Variants in SLC1A7 observed in about 807,000 individuals in gnomAD.
The protein encoded by SLC1A7 is excitatory amino acid transporter 5.
Under a neutral mutation model 47.7 loss-of-function variants are expected in SLC1A7, and 40 were observed. That is an observed-to-expected ratio of 0.84 (90% CI 0.65 to 1.09). The LOEUF (loss-of-function observed/expected upper bound fraction) is 1.09, where lower values mean the gene tolerates loss of function less well. Among genes scored for constraint, SLC1A7 ranks in the 50% least tolerant of loss-of-function variants. The probability of loss-of-function intolerance (pLI) is 0.00; values close to 1 mark genes in which losing one functional copy is unlikely to be tolerated. For synonymous variants in SLC1A7, 323 were observed against 325.6 expected (o/e 0.99, Z 0.09); for missense variants, 746 against 769.5 (o/e 0.97, Z 0.36).
At chr1:53,115,100 A>C (rs1016116197) in intron 2 of SLC1A7, 127 bp from the exon 3 acceptor site, 1 of 709,822 alleles carries the variant, frequency 1.4e-6, no homozygotes, top group Admixed American at 2.2e-5. Flanking sequence ...CCATTCTTCC[A>C]ACAATCCAGT....
intron 3 of SLC1A7, among the ~76,000 whole-genome samples, chr1:53,110,070 C>T (rs1641961055): frequency 6.6e-6 from 1 of 152,238 alleles, no homozygotes; most frequent in African/African-American, 2.4e-5. Flanking sequence ...CTCCTGTCTT[C>T]AAGGTTGGGC....
chr1:53,121,646 G>A (rs907450879), intron 2 of SLC1A7, among the ~76,000 whole-genome samples: 1 of 152,224 alleles, frequency 6.6e-6, no homozygotes. Context: ...GGGAATCCAA[G>A]CAGACCCCAG....
chr1:53,117,809 G>A (rs1290666984), intron 2 of SLC1A7, among the ~76,000 whole-genome samples: 3 of 152,248 alleles, frequency 2.0e-5, no homozygotes, highest in Admixed American at 2.0e-4. Flanking sequence ...TTGAGATGTG[G>A]GAGGGAGTGT....
intron 2 of SLC1A7, 118 bp downstream of exon 2, chr1:53,134,232 A>G: frequency 3.0e-6 from 2 of 666,170 alleles, no homozygotes; most frequent in Non-Finnish European, 5.2e-6. Flanking sequence ...CCCCACGGTC[A>G]CACTCATCCC....
chr1:53,139,719 A>G (rs1572355834), intron 1 of SLC1A7, among the ~76,000 whole-genome samples: 1 of 151,998 alleles, frequency 6.6e-6, no homozygotes, highest in East Asian at 1.9e-4. Context: ...CATCAGCTCC[A>G]CCCACCTCCA....
rs756997661 is a variant in SLC1A7 at position 53,093,516 on chromosome 1, T to G, written c.742A>C (p.Ser248Arg). 1.2e-6 allele frequency: 2 copies of G among 1,610,422 alleles called. No individual in the cohort carries two copies. The highest frequency in any genetic ancestry group is 8.5e-7 in the Non-Finnish European group (1 of 1,179,800). The change falls in exon 6 of 11, where the codon AGC becomes CGC. Residue 248 changes from serine to arginine, a missense_variant. Physicochemically the swap from Ser to Arg is moderately radical, Grantham distance 110. Transcript: ENST00000371494. ...GACTCATTGAGGCACTGGCAGAAGC[T>G]GACCAGGGGGGCCCCGCTGTCACCC... ...RMGDSGAPLVSFCQCLNESVM... is the reference protein window; with the variant it reads ...RMGDSGAPLVRFCQCLNESVM...
Position 53,087,801 on chromosome 1 carries a change from C to G in SLC1A7, c.*208G>C, listed in dbSNP as rs918422201. ...AGCGGGGCCTCAGGCAATGCCGGGCCCATCACTCCCTAGATGGGGCTCCCC... is the reference window on the plus strand; with the variant it reads ...AGCGGGGCCTCAGGCAATGCCGGGCGCATCACTCCCTAGATGGGGCTCCCC... On this transcript the variant is annotated 3_prime_UTR_variant, in exon 11 of 11. Transcript: ENST00000371494. 7 of 384,064 alleles carry G rather than the reference C, an allele frequency of 1.8e-5. No individual in the cohort carries two copies. The highest frequency in any genetic ancestry group is 9.0e-5 in the Admixed American group (2 of 22,248). The allele number at this position is 384,064 out of a possible 1,614,324, so 23.8% of individuals were successfully genotyped here. A position where few individuals can be genotyped will look rare whatever the true frequency, so the allele number is the denominator to read the frequency against.
chr1:53,092,499 G>T, intron 7 of SLC1A7, 55 bp downstream of exon 7: 1 of 1,300,406 alleles, frequency 7.7e-7, no homozygotes, highest in South Asian at 1.2e-5. Flanking sequence ...CTGGACAGAC[G>T]GACAGGGCTC....
At chr1:53,090,007 A>G (rs748038871) in intron 8 of SLC1A7, 73 bp from the exon 9 acceptor site, 1 of 1,561,042 alleles carries the variant, frequency 6.4e-7, no homozygotes. Context: ...GCTCCAAGGA[A>G]GAGGTTGAGT....
intron 3 of SLC1A7, among the ~76,000 whole-genome samples, chr1:53,106,616 T>G (rs948634584): frequency 3.8e-5 from 5 of 130,608 alleles, no homozygotes; most frequent in Non-Finnish European, 6.8e-5. Context: ...AAAAAAAAAG[T>G]AACTGTCAAA....
Position 53,087,869 on chromosome 1 carries a change from G to A in SLC1A7, c.*140C>T, listed in dbSNP as rs1288128456. 1.3e-5 allele frequency: 6 copies of A among 445,604 alleles called. No homozygotes were observed. The highest frequency in any genetic ancestry group is 5.7e-4 in the Middle Eastern group (1 of 1,748). The allele number at this position is 445,604 out of a possible 1,614,324, so 27.6% of individuals were successfully genotyped here. On this transcript the variant is annotated 3_prime_UTR_variant, in exon 11 of 11. Coordinates refer to ENST00000371494, the MANE Select transcript of SLC1A7 (RefSeq NM_006671.6). The stretch of plus-strand genomic sequence containing the variant: ...CTCTGAGATACATTTTCCGTCAAGC[G>A]GGGTTAATTCCAGCCTCTCAAGGGT...
At chr1:53,141,061 C>T (rs554402651) in intron 1 of SLC1A7, among the ~76,000 whole-genome samples, 1 of 152,330 alleles carries the variant, frequency 6.6e-6, no homozygotes, top group East Asian at 1.9e-4. Flanking sequence ...CAAAGCCTCT[C>T]TCCTTGACCA....
chr1:53,110,437 G>C (rs1644690153), intron 3 of SLC1A7, among the ~76,000 whole-genome samples: 1 of 152,100 alleles, frequency 6.6e-6, no homozygotes, highest in Non-Finnish European at 1.5e-5. Flanking sequence ...TTGAGAGCGG[G>C]TGGGGTAGGG....
At chr1:53,104,151 C>T (rs956101466) in intron 4 of SLC1A7, among the ~76,000 whole-genome samples, 1 of 152,194 alleles carries the variant, frequency 6.6e-6, no homozygotes, top group African/African-American at 2.4e-5. Context: ...CCTCCTCTCC[C>T]CTCAAACATC....
intron 2 of SLC1A7, among the ~76,000 whole-genome samples, chr1:53,121,357 G>A (rs143691628): frequency 6.6e-6 from 1 of 152,230 alleles, no homozygotes. Context: ...CCCCGGATGG[G>A]CTTAGGGGAA....
chr1:53,134,724 C>A (rs560150453), intron 1 of SLC1A7, among the ~76,000 whole-genome samples: 1 of 152,340 alleles, frequency 6.6e-6, no homozygotes, highest in South Asian at 2.1e-4. Context: ...GTAGTCCCTA[C>A]TTATTCTCAG....
At chr1:53,108,767 C>A in intron 3 of SLC1A7, 6 of 665,622 alleles carry the variant, frequency 9.0e-6, no homozygotes, top group Non-Finnish European at 1.4e-5. Context: ...GCCAGCTGCC[C>A]ACCTCCCACT....
chr1:53,141,781 G>A (rs781119028), intron 1 of SLC1A7, among the ~76,000 whole-genome samples: 24 of 152,034 alleles, frequency 1.6e-4, no homozygotes, highest in Admixed American at 7.9e-4. Flanking sequence ...AGCACCTGAG[G>A]GGTCTCCCAA....
chr1:53,104,246 T>C (rs1644614995), intron 4 of SLC1A7, among the ~76,000 whole-genome samples: 2 of 152,186 alleles, frequency 1.3e-5, no homozygotes, highest in South Asian at 4.1e-4. Flanking sequence ...AATGGGACCG[T>C]GATAGCATCT....
Sources: gnomAD v4.1 joint callset for allele counts (sites outside exome capture counted in the v4.1 genomes callset) on GRCh38, gnomAD v4.1.1 for gene constraint, MANE v1.5 for transcripts, NCBI Gene and HGNC (gene_info 2026-07-23, HGNC 2026-07-21) for gene names.